The following MAL2 variants were observed in gnomAD, a reference collection of about 807,000 sequenced individuals.
The protein encoded by MAL2 is protein MAL2.
In MAL2, 17 loss-of-function variants were observed where a neutral mutation model predicts 18.1. The ratio of observed to expected loss-of-function variants is 0.94; its 90% CI spans 0.64 to 1.41. MAL2 has a LOEUF of 1.41. Among genes scored for constraint, MAL2 ranks in the 40% most tolerant of loss-of-function variants. The pLI, the probability that MAL2 is intolerant of heterozygous loss-of-function variation, is 0.00. For synonymous variants in MAL2, 102 were observed against 102.3 expected (o/e 1.00, Z 0.02); for missense variants, 222 against 231.9 (o/e 0.96, Z 0.28).
intron 2 of MAL2, among the ~76,000 whole-genome samples, chr8:119,236,875 T>G (rs1436190181): frequency 2.7e-5 from 4 of 149,698 alleles, no homozygotes; most frequent in African/African-American, 5.0e-5. Flanking sequence ...ACATCACAAT[T>G]AAAAGAACTA....
intron 1 of MAL2, chr8:119,221,307 A>T (rs182866741): frequency 1.0e-5 from 3 of 300,594 alleles, no homozygotes; most frequent in Non-Finnish European, 1.2e-5. Context: ...TCAATGATGA[A>T]GGAATACTGG....
chr8:119,228,418 CCCT>C (rs1460909607), intron 2 of MAL2, among the ~76,000 whole-genome samples: 2 of 152,124 alleles, frequency 1.3e-5, no homozygotes, highest in Non-Finnish European at 2.9e-5. Context: ...TTGCTTTTAC[CCCT>C]AAGTTTCCAT....
intron 2 of MAL2, among the ~76,000 whole-genome samples, chr8:119,238,154 G>A (rs199498396): frequency 4.2e-4 from 64 of 152,142 alleles, no homozygotes; most frequent in African/African-American, 1.4e-3. Flanking sequence ...ATACAAACAG[G>A]GAGCCAAATC....
At chr8:119,230,755 C>G (rs1352522814) in intron 2 of MAL2, among the ~76,000 whole-genome samples, 8 of 152,180 alleles carry the variant, frequency 5.3e-5, no homozygotes, top group Admixed American at 2.6e-4. Context: ...TTACTAAGAT[C>G]TAGCATCATT....
rs1216472380 is a variant in MAL2, at chr8:119,208,811, TC to T, written c.132+212del. 2.6e-6 allele frequency: 2 copies of T among 759,750 alleles called. No individual in the cohort carries two copies. The highest frequency in any genetic ancestry group is 3.7e-5 in the African/African-American group (2 of 54,600). 47.1% of individuals were successfully genotyped at this position (759,750 alleles called of 1,614,324 possible). On this transcript the variant is annotated intron_variant, in intron 1 of 3. Transcript: ENST00000614891. The surrounding 1 kb of genome is among the most constrained non-coding windows in gnomAD (Gnocchi z 4.3). ...TAGCACCTGTTACGCGGGCACCTGC[TC>T]CCCCGCGGGCGACGGAAATTGCCTG... is the stretch of plus-strand genomic sequence containing the variant.
At chr8:119,209,245 G>A (rs1817233877) in intron 1 of MAL2, 1 of 152,662 alleles carries the variant, frequency 6.6e-6, no homozygotes, top group South Asian at 2.1e-4. Context: ...TCCAGTGGGT[G>A]TGACAATGGT....
At position 119,238,905 on chromosome 8, in the gene MAL2, C is replaced by G. The variant is rs1230845309; in HGVS notation, c.304-1260C>G. Among the ~76,000 whole-genome samples, 6 of 151,894 alleles carry G rather than the reference C, an allele frequency of 4.0e-5. No homozygotes were observed. In the South Asian group the frequency reaches 1.2e-3, roughly 32 times the overall value. ...TCTAAAACACCAAAAGCAATGGCAA[C>G]ACAAGCCAAAATTGACAAATGGGAG... On this transcript the variant is annotated intron_variant, in intron 2 of 3. Coordinates refer to ENST00000614891, the MANE Select transcript of MAL2 (RefSeq NM_052886.3).
chr8:119,236,381 T>A (rs1162426175), intron 2 of MAL2, among the ~76,000 whole-genome samples: 1 of 151,344 alleles, frequency 6.6e-6, no homozygotes, highest in African/African-American at 2.5e-5. Context: ...ATTAGAGAGA[T>A]CAATGAGATA....
At chr8:119,237,477 GAC>G (rs1436740163) in intron 2 of MAL2, among the ~76,000 whole-genome samples, 3 of 150,248 alleles carry the variant, frequency 2.0e-5, no homozygotes, top group Non-Finnish European at 2.9e-5. Context: ...CGGGCAGAGA[GAC>G]AACCAAAAAA....
chr8:119,225,572 A>G (rs976189155), intron 2 of MAL2, among the ~76,000 whole-genome samples: 4 of 152,342 alleles, frequency 2.6e-5, no homozygotes, highest in African/African-American at 4.8e-5. Context: ...TAGTGCCGCA[A>G]TAAACATACG....
intron 2 of MAL2, chr8:119,224,360 C>G (rs377417838): frequency 4.6e-5 from 7 of 151,868 alleles, no homozygotes; most frequent in African/African-American, 1.7e-4. Flanking sequence ...ACAGAAGATT[C>G]TAAATTTATA....
rs1428004625 is a variant in MAL2 at position 119,243,499 on chromosome 8, A to G, written c.*11A>G. 1 of 1,582,480 alleles carries G rather than the reference A, an allele frequency of 6.3e-7. No homozygotes were observed. The highest frequency in any genetic ancestry group is 1.8e-5 in the Admixed American group (1 of 55,302). ...AGATGGCGACCGTAACACTCCTTAG[A>G]AACTGGCAGTCGTATGTTAGTTTCA... On this transcript the variant is annotated 3_prime_UTR_variant, in exon 4 of 4. Coordinates refer to ENST00000614891, the MANE Select transcript of MAL2 (RefSeq NM_052886.3).
chr8:119,227,208 A>G (rs1275212114), intron 2 of MAL2, among the ~76,000 whole-genome samples: 5 of 152,230 alleles, frequency 3.3e-5, no homozygotes, highest in Admixed American at 6.5e-5. Context: ...GGAAAAGCCT[A>G]GCATGCCAAA....
At chr8:119,227,402 G>T (rs1817617795) in intron 2 of MAL2, among the ~76,000 whole-genome samples, 1 of 152,162 alleles carries the variant, frequency 6.6e-6, no homozygotes, top group South Asian at 2.1e-4. Context: ...AACCCAGAAT[G>T]ATACGCTCTA....
intron 1 of MAL2, among the ~76,000 whole-genome samples, chr8:119,217,018 G>A (rs953917200): frequency 2.6e-5 from 4 of 152,218 alleles, no homozygotes; most frequent in African/African-American, 9.7e-5. Context: ...CAGGAGATGA[G>A]TTAAGAATCT....
At chr8:119,237,026 C>A (rs1174276991) in intron 2 of MAL2, among the ~76,000 whole-genome samples, 1 of 151,750 alleles carries the variant, frequency 6.6e-6, no homozygotes, top group Non-Finnish European at 1.5e-5. Context: ...AAAGGATCAA[C>A]AAAATTGATA....
At chr8:119,214,597 A>G (rs1004547361) in intron 1 of MAL2, among the ~76,000 whole-genome samples, 3 of 152,226 alleles carry the variant, frequency 2.0e-5, no homozygotes, top group African/African-American at 7.2e-5. Flanking sequence ...AGGAATTATT[A>G]TAAAGAAGAA....
chr8:119,208,511 C>A lies in MAL2; in HGVS notation c.39C>A (p.Asn13Lys), dbSNP rs1267383015. The change falls in exon 1 of 4, where the codon AAC becomes AAA. Residue 13 changes from asparagine (N) to lysine (K), a missense_variant. Transcript: ENST00000614891. This position sits in a 1 kb window ranked among gnomAD's most constrained non-coding sequence, Gnocchi z 4.3. Reference sequence around the variant, plus strand: ...GAGCGTCAGTCCCGCCGCCCCCGAACCCCGCCGTGTCCTTCCCGCCGCCCC... The same window carrying A: ...GAGCGTCAGTCCCGCCGCCCCCGAAACCCGCCGTGTCCTTCCCGCCGCCCC... ...AGGASVPPPP[N>K]PAVSFPPPRV... The A allele has an allele frequency of 1.5e-6, 2 of 1,347,552 alleles. No individual in the cohort carries two copies. The highest frequency in any genetic ancestry group is 1.9e-6 in the Non-Finnish European group (2 of 1,046,286). The allele number at this position is 1,347,552 out of a possible 1,614,324, so 83.5% of individuals were successfully genotyped here. A position where few individuals can be genotyped will look rare whatever the true frequency, so the allele number is the denominator to read the frequency against.
intron 2 of MAL2, 41 bp from the exon 3 acceptor site, chr8:119,240,123 TA>T (rs1246777679): frequency 7.6e-6 from 12 of 1,581,012 alleles, no homozygotes; most frequent in Middle Eastern, 1.7e-4. Flanking sequence ...AACAGAAAAA[TA>T]TTTTTTTTTA....
Sources: allele counts gnomAD v4.1 joint callset (sites outside exome capture counted in the v4.1 genomes callset), GRCh38; gene constraint gnomAD v4.1.1; non-coding constraint Gnocchi (gnomAD v3.1); transcripts MANE v1.5; gene names NCBI Gene and HGNC (gene_info 2026-07-23, HGNC 2026-07-21).